CCDC175: variants seen among roughly 807,000 people sequenced by gnomAD.
The protein encoded by CCDC175 is coiled-coil domain containing 175.
Under a neutral mutation model 114.6 loss-of-function variants are expected in CCDC175, and 100 were observed. The observed-to-expected ratio is 0.87, with a 90% CI of 0.74 to 1.03. CCDC175 has a LOEUF of 1.03. CCDC175 is among the 50% of genes least tolerant of loss of function. The pLI is 0.00. For synonymous variants in CCDC175, 306 were observed against 308.7 expected, an observed-to-expected ratio of 0.99 and a Z score of 0.09; for missense variants, 880 against 917.8, an observed-to-expected ratio of 0.96 and a Z score of 0.53.
chr14:59,538,469 C>T (rs1300113297), intron 12 of CCDC175, among the ~76,000 whole-genome samples: 2 of 152,288 alleles, frequency 1.3e-5, no homozygotes, highest in East Asian at 3.9e-4. Context: ...AGACTAACCT[C>T]AAGTAAGTTT....
At chr14:59,541,462 ATGC>A (rs1356885014) in intron 10 of CCDC175, among the ~76,000 whole-genome samples, 1 of 152,210 alleles carries the variant, frequency 6.6e-6, no homozygotes, top group Admixed American at 6.5e-5. Flanking sequence ...CATAAGTAAA[ATGC>A]TGCTTTATAT....
chr14:59,510,888 CA>C (rs11305995), intron 18 of CCDC175, 80 bp from the exon 19 acceptor site: 404,946 of 1,168,026 alleles, frequency 0.35, 76,139 homozygotes, highest in African/African-American at 0.6. Context: ...GGATCATGTC[CA>C]AAAAAAAATA....
Position 59,538,784 on chromosome 14 carries a change from G to A in CCDC175, c.1412C>T (p.Ala471Val). ...CLRKKHARWT[A>V]KIKAEIQAIT... Reference sequence around the variant, plus strand: ...AGCTTGTATTTCAGCTTTTATCTTGGCTGTCCAACGTGCATGCTTTTTTCT... The same window carrying A: ...AGCTTGTATTTCAGCTTTTATCTTGACTGTCCAACGTGCATGCTTTTTTCT... Residue 471 changes from alanine to valine, a missense_variant, in exon 12 of 20, where the codon GCC (alanine) becomes GTC (valine). Coordinates refer to ENST00000537690, the MANE Select transcript of CCDC175 (RefSeq NM_001164399.2). 3.3e-6 allele frequency: 5 copies of A among 1,536,044 alleles called. No homozygotes were observed. The highest frequency in any genetic ancestry group is 4.4e-6 in the Non-Finnish European group (5 of 1,146,248).
At chr14:59,508,399 T>TACACACACACACACACACACACACAC (rs71451066) in intron 19 of CCDC175, among the ~76,000 whole-genome samples, 2,731 of 97,292 alleles carry the variant, frequency 0.028, 215 homozygotes, top group African/African-American at 0.038. Flanking sequence ...GTCTCCAAAA[T>TACACACACACACACACACACACACAC]ACACACACAC....
intron 13 of CCDC175, among the ~76,000 whole-genome samples, chr14:59,534,747 C>T (rs77451975): frequency 2.0e-5 from 3 of 152,102 alleles, no homozygotes; most frequent in Non-Finnish European, 4.4e-5. Flanking sequence ...AGATTTACAA[C>T]GGAGGGTCCG....
chr14:59,574,565 C>A (rs2140138033), intron 2 of CCDC175, among the ~76,000 whole-genome samples: 1 of 152,316 alleles, frequency 6.6e-6, no homozygotes, highest in Admixed American at 6.5e-5. Context: ...TAGCACCATG[C>A]TTGCAATTTA....
At chr14:59,538,677 T>G in intron 12 of CCDC175, 28 bp downstream of exon 12, 1 of 1,511,244 alleles carries the variant, frequency 6.6e-7, no homozygotes, top group Middle Eastern at 1.9e-4. Flanking sequence ...TGTAGGGGAC[T>G]AATTCTAAGT....
At chr14:59,569,427 C>T (rs1274805374) in intron 3 of CCDC175, among the ~76,000 whole-genome samples, 1 of 152,202 alleles carries the variant, frequency 6.6e-6, no homozygotes, top group Non-Finnish European at 1.5e-5. Context: ...CCAAAGACCA[C>T]ACTTTGAGTA....
chr14:59,516,463 G>T (rs531237342), intron 17 of CCDC175, among the ~76,000 whole-genome samples: 8 of 152,098 alleles, frequency 5.3e-5, no homozygotes, highest in Admixed American at 3.9e-4. Context: ...TCAAATAGAC[G>T]CAATAAAAAA....
intron 14 of CCDC175, among the ~76,000 whole-genome samples, chr14:59,529,119 C>T (rs922922747): frequency 3.3e-5 from 5 of 152,122 alleles, no homozygotes; most frequent in Non-Finnish European, 7.3e-5. Flanking sequence ...AGGGGACCAT[C>T]GAATGTCGGT....
At chr14:59,505,735 A>G (rs896752072) in intron 19 of CCDC175, among the ~76,000 whole-genome samples, 6 of 152,202 alleles carry the variant, frequency 3.9e-5, no homozygotes, top group Non-Finnish European at 8.8e-5. Context: ...TTTAAAAATC[A>G]ACCCTTGTCT....
chr14:59,508,459 G>A (rs965912761), intron 19 of CCDC175, among the ~76,000 whole-genome samples: 6 of 105,012 alleles, frequency 5.7e-5, no homozygotes, highest in South Asian at 7.0e-4. Flanking sequence ...ACAGTGGCAC[G>A]TGCCTGTAGT....
intron 19 of CCDC175, among the ~76,000 whole-genome samples, chr14:59,506,298 T>C (rs987979787): frequency 4.0e-5 from 6 of 150,510 alleles, no homozygotes; most frequent in South Asian, 2.1e-4. Context: ...TTTCTTTTTT[T>C]TTTTTTGAGA....
chr14:59,553,927 T>A (rs1038713284), intron 7 of CCDC175, among the ~76,000 whole-genome samples: 2 of 152,188 alleles, frequency 1.3e-5, no homozygotes, highest in Admixed American at 1.3e-4. Flanking sequence ...ATCCTAAATA[T>A]ATATGCACCC....
Position 59,557,562 on chromosome 14 carries a change from A to G in CCDC175, c.953+3557T>C, listed in dbSNP as rs890317918. Among the ~76,000 whole-genome samples the G allele has an allele frequency of 4.0e-5, 6 of 151,796 alleles. 1 individual carries two copies. Among genetic ancestry groups the G allele is most frequent in the African/African-American group, 1.4e-4 (6 of 41,390 alleles). On this transcript the variant is annotated intron_variant, in intron 7 of 19. Coordinates refer to ENST00000537690, the MANE Select transcript of CCDC175 (RefSeq NM_001164399.2). ...GCACACCAACATGGCACATGTATAC[A>G]TATGTAACAAACCTGCATGTTGTGC... is the stretch of plus-strand genomic sequence containing the variant.
intron 16 of CCDC175, 71 bp from the exon 17 acceptor site, chr14:59,521,747 A>C: frequency 1.2e-6 from 1 of 854,526 alleles, no homozygotes; most frequent in East Asian, 2.7e-5. Flanking sequence ...GTAGTCATTC[A>C]GCAAACATGT....
At chr14:59,527,068 A>G in intron 15 of CCDC175, 27 bp downstream of exon 15, 2 of 1,220,464 alleles carry the variant, frequency 1.6e-6, no homozygotes, top group Non-Finnish European at 2.2e-6. Context: ...AATAATAAAA[A>G]AAAGAATTAA....
At chr14:59,551,179 G>T (rs1956355) in intron 8 of CCDC175, 176 bp downstream of exon 8, 1 of 426,784 alleles carries the variant, frequency 2.3e-6, no homozygotes, top group East Asian at 3.8e-5. Context: ...TTTGCTCTTT[G>T]ATATAATTAA....
intron 3 of CCDC175, 127 bp downstream of exon 3, chr14:59,572,575 G>A (rs1490362322): frequency 3.9e-6 from 2 of 514,120 alleles, no homozygotes; most frequent in Non-Finnish European, 6.7e-6. Context: ...ACCTTACTGT[G>A]TTTGTGTCAT....
Sources: gnomAD v4.1 joint callset for allele counts (sites outside exome capture counted in the v4.1 genomes callset) on GRCh38, gnomAD v4.1.1 for gene constraint, MANE v1.5 for transcripts, NCBI Gene and HGNC (gene_info 2026-07-23, HGNC 2026-07-21) for gene names.